Variants in TBC1D22A observed in about 807,000 individuals in gnomAD.
TBC1D22A encodes putative GTPase activator.
In TBC1D22A, 38 loss-of-function variants were observed where a neutral mutation model predicts 60.2. The ratio of observed to expected loss-of-function variants is 0.63; its 90% CI spans 0.49 to 0.83. The LOEUF is 0.83. TBC1D22A is among the 40% of genes least tolerant of loss of function. The pLI, the probability that TBC1D22A is intolerant of heterozygous loss-of-function variation, is 0.00. For missense variants in TBC1D22A, 628 were observed against 701.0 expected (o/e 0.90, Z 1.18); for synonymous variants, 302 against 281.7 (o/e 1.07, Z -0.72).
intron 4 of TBC1D22A, among the ~76,000 whole-genome samples, chr22:46,852,856 C>T (rs544240619): frequency 2.6e-4 from 39 of 152,316 alleles, no homozygotes; most frequent in Middle Eastern, 6.8e-3. Context: ...AGACCCTGCC[C>T]GTCCTGGAGT....
rs1378400191 is a variant in TBC1D22A, at chr22:47,173,647, G to T, written c.*21G>T. On this transcript the variant is annotated 3_prime_UTR_variant, in exon 13 of 13. Transcript: ENST00000337137. Reference sequence around the variant, plus strand: ...AATGAGCCCAGGCCCACCCGCAGCTGGCCTCACTGTCCCGGGTGGCGCGCC... The same window carrying T: ...AATGAGCCCAGGCCCACCCGCAGCTTGCCTCACTGTCCCGGGTGGCGCGCC... The T allele has an allele frequency of 3.7e-6, 6 of 1,612,908 alleles. No individual in the cohort carries two copies. In the East Asian group the frequency reaches 1.1e-4, roughly 30 times the overall value.
At chr22:46,888,860 C>T (rs2068251048) in intron 5 of TBC1D22A, among the ~76,000 whole-genome samples, 1 of 152,302 alleles carries the variant, frequency 6.6e-6, no homozygotes. Context: ...CATGTGCCGC[C>T]ACATCTGGCT....
At chr22:46,906,727 T>C (rs765694057) in intron 7 of TBC1D22A, among the ~76,000 whole-genome samples, 1 of 152,126 alleles carries the variant, frequency 6.6e-6, no homozygotes, top group Non-Finnish European at 1.5e-5. Context: ...AGATAGACCC[T>C]GAGCTGTTTC....
At chr22:47,064,626 T>C (rs569885042) in intron 11 of TBC1D22A, among the ~76,000 whole-genome samples, 1 of 152,324 alleles carries the variant, frequency 6.6e-6, no homozygotes, top group South Asian at 2.1e-4. Flanking sequence ...CTCGTCCTCC[T>C]CAGGGCCTGG....
chr22:47,157,619 G>A (rs117188032), intron 12 of TBC1D22A, among the ~76,000 whole-genome samples: 35 of 152,342 alleles, frequency 2.3e-4, no homozygotes, highest in African/African-American at 7.5e-4. Context: ...GCTTCAGAGC[G>A]TGCCGTCGTG....
chr22:47,144,688 G>A (rs1004760325), intron 12 of TBC1D22A, among the ~76,000 whole-genome samples: 4 of 152,010 alleles, frequency 2.6e-5, no homozygotes, highest in African/African-American at 7.2e-5. Flanking sequence ...AGCCCGTGAA[G>A]GTGCCTGCTG....
chr22:46,789,324 A>G, intron 1 of TBC1D22A: 1 of 415,332 alleles, frequency 2.4e-6, no homozygotes, highest in Non-Finnish European at 5.0e-6. Context: ...ACGGGGTTTC[A>G]CTGTGTTATC....
At chr22:46,891,690 A>G (rs758693551) in intron 6 of TBC1D22A, among the ~76,000 whole-genome samples, 3 of 152,212 alleles carry the variant, frequency 2.0e-5, no homozygotes, top group Non-Finnish European at 4.4e-5. Context: ...CCTTGGGGTG[A>G]TGGTGGGAGT....
intron 11 of TBC1D22A, among the ~76,000 whole-genome samples, chr22:47,065,808 G>A (rs1046694079): frequency 1.3e-5 from 2 of 152,126 alleles, no homozygotes; most frequent in Non-Finnish European, 1.5e-5. Context: ...TGGCCACGTC[G>A]TGAATCCTGC....
intron 4 of TBC1D22A, among the ~76,000 whole-genome samples, chr22:46,814,227 C>T (rs1242564084): frequency 6.6e-6 from 1 of 152,150 alleles, no homozygotes; most frequent in Non-Finnish European, 1.5e-5. Context: ...GAATCTAATG[C>T]TATGTGCCAG....
intron 9 of TBC1D22A, among the ~76,000 whole-genome samples, chr22:46,974,954 G>A (rs1459511160): frequency 6.6e-6 from 1 of 152,216 alleles, no homozygotes; most frequent in Admixed American, 6.5e-5. Context: ...GTTAGTGGCT[G>A]AGATTTCTGT....
At chr22:46,831,848 C>T (rs747588041) in intron 4 of TBC1D22A, among the ~76,000 whole-genome samples, 2 of 152,120 alleles carry the variant, frequency 1.3e-5, no homozygotes, top group Non-Finnish European at 1.5e-5. Context: ...ATCATCGTGG[C>T]GAAGTCAGGA....
chr22:46,848,530 G>T (rs2087123996), intron 4 of TBC1D22A, among the ~76,000 whole-genome samples: 1 of 152,256 alleles, frequency 6.6e-6, no homozygotes, highest in South Asian at 2.1e-4. Flanking sequence ...TGGCGCAACA[G>T]GGAGTCGACC....
chr22:46,822,255 ATCT>A (rs2085863067), intron 4 of TBC1D22A, among the ~76,000 whole-genome samples: 1 of 151,990 alleles, frequency 6.6e-6, no homozygotes, highest in African/African-American at 2.4e-5. Flanking sequence ...TGTCCATCTG[ATCT>A]TCTGTCCAGT....
rs561730848 is a variant in TBC1D22A, at chr22:47,144,949, C to T, written c.1426-28549C>T. The stretch of plus-strand genomic sequence containing the variant: ...GATCCTGGGTCTTGGGGTCTGGAGG[C>T]GGCTGAGCCGTTTGGTGCCGCTGGA... On this transcript the variant is annotated intron_variant, in intron 12 of 12. Coordinates refer to ENST00000337137, the MANE Select transcript of TBC1D22A (RefSeq NM_014346.5). 2.3e-4 allele frequency among the ~76,000 whole-genome samples: 35 copies of T among 152,330 alleles called. No homozygotes were observed. The South Asian group carries it at 6.2e-3, about 27-fold the overall frequency.
rs1330710052 is a variant in TBC1D22A at position 47,164,316 on chromosome 22, C to T, written c.1426-9182C>T. Among the ~76,000 whole-genome samples the T allele has an allele frequency of 2.0e-5, 3 of 152,268 alleles. No individual in the cohort carries two copies. The East Asian group carries it at 5.8e-4, about 29-fold the overall frequency. On this transcript the variant is annotated intron_variant, in intron 12 of 12. Transcript: ENST00000337137. ...AGTCCTGTTTGACAAGCCCAGTGTACTCTCAGCAGGTCTTGTTAGGGAACT... is the reference window on the plus strand; with the variant it reads ...AGTCCTGTTTGACAAGCCCAGTGTATTCTCAGCAGGTCTTGTTAGGGAACT...
At chr22:47,098,119 A>G in intron 11 of TBC1D22A, among the ~76,000 whole-genome samples, 1 of 152,124 alleles carries the variant, frequency 6.6e-6, no homozygotes, top group East Asian at 1.9e-4. Flanking sequence ...TGTCTAATCC[A>G]ATTGCAATAG....
chr22:46,837,241 A>G (rs971930801), intron 4 of TBC1D22A, among the ~76,000 whole-genome samples: 3 of 152,258 alleles, frequency 2.0e-5, no homozygotes, highest in Non-Finnish European at 2.9e-5. Context: ...GAGAACCTCA[A>G]TATATAAAGC....
intron 5 of TBC1D22A, among the ~76,000 whole-genome samples, chr22:46,888,086 C>T (rs973147973): frequency 2.0e-5 from 3 of 152,198 alleles, no homozygotes; most frequent in Non-Finnish European, 4.4e-5. Context: ...AGAGGGTGGC[C>T]GCCGCAACTC....
Sources: gnomAD v4.1 joint callset for allele counts (sites outside exome capture counted in the v4.1 genomes callset) on GRCh38, gnomAD v4.1.1 for gene constraint, MANE v1.5 for transcripts, NCBI Gene and HGNC (gene_info 2026-07-23, HGNC 2026-07-21) for gene names.